The following MARCHF11 variants were observed in gnomAD, a reference collection of about 807,000 sequenced individuals.
The protein encoded by MARCHF11 is E3 ubiquitin-protein ligase MARCHF11.
Under a neutral mutation model 37.3 loss-of-function variants are expected in MARCHF11, and 29 were observed. That is an observed-to-expected ratio of 0.78 (90% CI 0.58 to 1.06). The LOEUF (loss-of-function observed/expected upper bound fraction) is 1.06. MARCHF11 is among the 50% of genes least tolerant of loss of function. The probability of loss-of-function intolerance (pLI) is 0.00; values close to 1 mark genes in which losing one functional copy is unlikely to be tolerated. For missense variants in MARCHF11, 482 were observed against 533.4 expected, an observed-to-expected ratio of 0.90 and a Z score of 0.95; for synonymous variants, 233 against 228.0, an observed-to-expected ratio of 1.02 and a Z score of -0.20.
chr5:16,109,103 T>TAC (rs3031633), intron 2 of MARCHF11, among the ~76,000 whole-genome samples: 25,372 of 141,292 alleles, frequency 0.18, 2,129 homozygotes, highest in East Asian at 0.26. Context: ...ACATAAGAAA[T>TAC]ACACACACAC....
intron 3 of MARCHF11, among the ~76,000 whole-genome samples, chr5:16,087,353 A>C (rs1736716410): frequency 1.3e-5 from 2 of 152,170 alleles, no homozygotes; most frequent in South Asian, 4.1e-4. Context: ...ACTCATTTTC[A>C]CTTTATTCAC....
intron 2 of MARCHF11, among the ~76,000 whole-genome samples, chr5:16,176,858 T>C (rs1258272084): frequency 1.3e-5 from 2 of 152,150 alleles, no homozygotes; most frequent in Non-Finnish European, 2.9e-5. Flanking sequence ...TTTATTTCTA[T>C]TACTCCTTTG....
chr5:16,081,986 C>A (rs1179593841), intron 3 of MARCHF11, among the ~76,000 whole-genome samples: 2 of 152,136 alleles, frequency 1.3e-5, no homozygotes, highest in African/African-American at 2.4e-5. Context: ...TGATAATAAT[C>A]TTTAGAGACA....
intron 2 of MARCHF11, among the ~76,000 whole-genome samples, chr5:16,176,745 A>G (rs764308313): frequency 2.6e-5 from 4 of 152,178 alleles, no homozygotes; most frequent in Non-Finnish European, 4.4e-5. Context: ...TTCCACCTAT[A>G]TTACATTGCT....
At chr5:16,120,900 G>T (rs1398207506) in intron 2 of MARCHF11, among the ~76,000 whole-genome samples, 1 of 152,204 alleles carries the variant, frequency 6.6e-6, no homozygotes, top group East Asian at 1.9e-4. Context: ...GCCCAGTCAA[G>T]ACCAAAAGAA....
intron 3 of MARCHF11, among the ~76,000 whole-genome samples, chr5:16,079,830 C>T (rs982171962): frequency 1.3e-5 from 2 of 152,154 alleles, no homozygotes; most frequent in Non-Finnish European, 2.9e-5. Flanking sequence ...GAATATACAG[C>T]TGCCTCCAGC....
chr5:16,154,594 C>G (rs796113974), intron 2 of MARCHF11, among the ~76,000 whole-genome samples: 4 of 151,866 alleles, frequency 2.6e-5, no homozygotes, highest in African/African-American at 9.6e-5. Context: ...CTGCCACCTC[C>G]CAAAAAGGGA....
chr5:16,072,350 CAT>C (rs1736453805), intron 3 of MARCHF11, among the ~76,000 whole-genome samples: 1 of 152,112 alleles, frequency 6.6e-6, no homozygotes, highest in African/African-American at 2.4e-5. Flanking sequence ...CCAGTGAACT[CAT>C]ATGTTGAAGC....
At chr5:16,147,484 T>C (rs1457332205) in intron 2 of MARCHF11, among the ~76,000 whole-genome samples, 1 of 152,160 alleles carries the variant, frequency 6.6e-6, no homozygotes, top group Non-Finnish European at 1.5e-5. Context: ...TGTGGGCTTA[T>C]TAAATCATGC....
intron 2 of MARCHF11, among the ~76,000 whole-genome samples, chr5:16,099,255 G>T (rs1320694092): frequency 6.6e-6 from 1 of 152,074 alleles, no homozygotes; most frequent in Non-Finnish European, 1.5e-5. Flanking sequence ...TGACAACTAT[G>T]AATCAGGTCC....
At chr5:16,174,340 C>A (rs1738320772) in intron 2 of MARCHF11, among the ~76,000 whole-genome samples, 1 of 152,220 alleles carries the variant, frequency 6.6e-6, no homozygotes, top group Admixed American at 6.5e-5. Flanking sequence ...TTAACTCCTA[C>A]TGCTAATGAT....
intron 2 of MARCHF11, among the ~76,000 whole-genome samples, chr5:16,142,853 A>G (rs1397459808): frequency 7.6e-6 from 1 of 131,648 alleles, no homozygotes; most frequent in Admixed American, 7.9e-5. Flanking sequence ...CAAGTAGCTG[A>G]GATTACAGGC....
chr5:16,138,833 C>A (rs1288193937), intron 2 of MARCHF11, among the ~76,000 whole-genome samples: 1 of 152,170 alleles, frequency 6.6e-6, no homozygotes, highest in African/African-American at 2.4e-5. Context: ...GGATTTTGGG[C>A]TTCCATGGGG....
intron 3 of MARCHF11, among the ~76,000 whole-genome samples, chr5:16,083,890 G>C (rs1415362167): frequency 1.3e-5 from 2 of 152,130 alleles, no homozygotes; most frequent in Non-Finnish European, 2.9e-5. Context: ...TCATTTTAGG[G>C]GGAAGCAACA....
chr5:16,086,342 T>A (rs975179214), intron 3 of MARCHF11, among the ~76,000 whole-genome samples: 1 of 152,104 alleles, frequency 6.6e-6, no homozygotes, highest in Non-Finnish European at 1.5e-5. Flanking sequence ...CATAGCAGAA[T>A]TGGGGGTGTG....
intron 2 of MARCHF11, among the ~76,000 whole-genome samples, chr5:16,172,502 G>C (rs1198958184): frequency 2.0e-5 from 3 of 152,216 alleles, no homozygotes; most frequent in African/African-American, 7.2e-5. Context: ...GCAGCACTTA[G>C]AGAAAAAGTC....
intron 2 of MARCHF11, among the ~76,000 whole-genome samples, chr5:16,154,394 G>A (rs1737934132): frequency 1.3e-5 from 2 of 151,994 alleles, no homozygotes; most frequent in African/African-American, 4.8e-5. Context: ...CAATATTCAA[G>A]TCTCAGTAAT....
At chr5:16,085,896 T>C (rs1320680268) in intron 3 of MARCHF11, among the ~76,000 whole-genome samples, 2 of 121,842 alleles carry the variant, frequency 1.6e-5, no homozygotes, top group Non-Finnish European at 3.1e-5. Context: ...GCCGAGATCG[T>C]GCCACTGCAC....
At chr5:16,107,138 C>A (rs1432619674) in intron 2 of MARCHF11, among the ~76,000 whole-genome samples, 1 of 152,140 alleles carries the variant, frequency 6.6e-6, no homozygotes, top group South Asian at 2.1e-4. Context: ...ACAAACATTA[C>A]AGAAAAATGA....
Sources: gnomAD v4.1 joint callset for allele counts (sites outside exome capture counted in the v4.1 genomes callset) on GRCh38, gnomAD v4.1.1 for gene constraint, MANE v1.5 for transcripts, NCBI Gene and HGNC (gene_info 2026-07-23, HGNC 2026-07-21) for gene names.